FAM171B: variants seen among roughly 807,000 people sequenced by gnomAD.
FAM171B encodes family with sequence similarity 171 member B, also known as protein FAM171B.
In FAM171B, 19 loss-of-function variants were observed where a neutral mutation model predicts 75.6. The observed-to-expected ratio is 0.25, with a 90% CI of 0.18 to 0.37. The LOEUF (loss-of-function observed/expected upper bound fraction) is 0.37. FAM171B is among the 10% of genes least tolerant of loss of function. FAM171B has a pLI of 1.00. For synonymous variants in FAM171B, 367 were observed against 361.7 expected, an observed-to-expected ratio of 1.01 and a Z score of -0.17; for missense variants, 848 against 982.4, an observed-to-expected ratio of 0.86 and a Z score of 1.83.
rs1269106296 is a variant in FAM171B at position 186,765,888 on chromosome 2, CTG to C, written c.*3067_*3068del. 1.3e-5 allele frequency: 2 copies of C among 152,078 alleles called. No individual in the cohort carries two copies. Among genetic ancestry groups the C allele is most frequent in the African/African-American group, 2.4e-5 (1 of 41,442 alleles). The allele number at this position is 152,078 out of a possible 1,614,324, so 9.4% of individuals were successfully genotyped here. On this transcript the variant is annotated 3_prime_UTR_variant, in exon 8 of 8. Transcript: ENST00000304698. The stretch of plus-strand genomic sequence containing the variant: ...TTACTACTATATTTACTGCTGAAAA[CTG>C]TAACAACCTGAAGATTTGTAAAATG...
rs1466042020 is a variant in FAM171B at position 186,747,111 on chromosome 2, T to C, written c.585T>C (p.Ser195=). 1 of 1,595,676 alleles carries C rather than the reference T, an allele frequency of 6.3e-7. No individual in the cohort carries two copies. ...GKLADAKSQP[S]VQFSKALIKL... ...TTCCAGATGCCAAGTCTCAACCAAG[T>C]GTTCAGTTTTCAAAAGCCTTAATTA... is the stretch of plus-strand genomic sequence containing the variant. Residue 195 remains serine, a synonymous_variant, in exon 4 of 8, where the codon AGT becomes AGC. Coordinates refer to ENST00000304698, the MANE Select transcript of FAM171B (RefSeq NM_177454.4).
intron 1 of FAM171B, among the ~76,000 whole-genome samples, chr2:186,696,467 A>AAC (rs984808135): frequency 2.8e-5 from 4 of 145,408 alleles, no homozygotes; most frequent in East Asian, 2.0e-4. Context: ...TAAAAAAAAA[A>AAC]AAAACATTAA....
intron 6 of FAM171B, among the ~76,000 whole-genome samples, chr2:186,759,013 A>G (rs368293105): frequency 2.0e-5 from 3 of 152,062 alleles, no homozygotes; most frequent in African/African-American, 7.2e-5. Context: ...AGCTGTTTCA[A>G]TGTTTAGCTC....
At chr2:186,744,908 G>A (rs983114645) in intron 3 of FAM171B, among the ~76,000 whole-genome samples, 3 of 148,082 alleles carry the variant, frequency 2.0e-5, no homozygotes, top group African/African-American at 7.6e-5. Context: ...TCGGCTCACT[G>A]CAACTTCTAC....
intron 6 of FAM171B, among the ~76,000 whole-genome samples, chr2:186,756,210 A>G (rs1266496122): frequency 2.0e-5 from 3 of 152,376 alleles, no homozygotes; most frequent in African/African-American, 7.2e-5. Flanking sequence ...GTACTAAAAT[A>G]AAAGTATGGG....
intron 1 of FAM171B, among the ~76,000 whole-genome samples, chr2:186,705,790 A>T (rs12618322): frequency 0.48 from 72,497 of 151,960 alleles, 18,323 homozygotes; most frequent in South Asian, 0.61. Flanking sequence ...AAAAGATGTG[A>T]TTGCTTAGAA....
intron 4 of FAM171B, among the ~76,000 whole-genome samples, 187 bp from the exon 5 acceptor site, chr2:186,750,947 T>C (rs1453041953): frequency 3.3e-5 from 5 of 152,188 alleles, no homozygotes; most frequent in Non-Finnish European, 7.4e-5. Context: ...TTACATTGCA[T>C]AGCCTATATT....
intron 6 of FAM171B, among the ~76,000 whole-genome samples, chr2:186,756,936 A>G (rs1299259870): frequency 6.6e-6 from 1 of 152,154 alleles, no homozygotes; most frequent in Non-Finnish European, 1.5e-5. Flanking sequence ...GCAGATGAAG[A>G]GGTACATAGG....
chr2:186,708,557 A>T (rs1454093433), intron 1 of FAM171B, among the ~76,000 whole-genome samples: 1 of 152,188 alleles, frequency 6.6e-6, no homozygotes, highest in African/African-American at 2.4e-5. Flanking sequence ...GGTATGGGGG[A>T]AAGTAATTTG....
chr2:186,749,577 T>C (rs1055438109), intron 4 of FAM171B, among the ~76,000 whole-genome samples: 2 of 152,216 alleles, frequency 1.3e-5, no homozygotes, highest in African/African-American at 4.8e-5. Flanking sequence ...TTATATTTAA[T>C]TGAAAATTTT....
chr2:186,714,470 AG>A (rs1689849839), intron 1 of FAM171B, among the ~76,000 whole-genome samples: 1 of 152,238 alleles, frequency 6.6e-6, no homozygotes, highest in Non-Finnish European at 1.5e-5. Context: ...TCTGTCTACA[AG>A]CAGGAAGCAG....
intron 1 of FAM171B, among the ~76,000 whole-genome samples, chr2:186,732,046 T>G (rs1690123994): frequency 6.6e-6 from 1 of 152,132 alleles, no homozygotes; most frequent in African/African-American, 2.4e-5. Context: ...ACACAATAAA[T>G]GTAATGCATT....
intron 6 of FAM171B, among the ~76,000 whole-genome samples, chr2:186,760,286 C>T (rs1690595502): frequency 6.6e-6 from 1 of 152,092 alleles, no homozygotes; most frequent in Non-Finnish European, 1.5e-5. Context: ...GCTCTGTTCA[C>T]TCTAGAGCCC....
rs1690670124 is a variant in FAM171B at position 186,764,409 on chromosome 2, A to G, written c.*1586A>G. The G allele has an allele frequency of 6.7e-6, 1 of 149,234 alleles. No individual in the cohort carries two copies. The allele number at this position is 149,234 out of a possible 1,614,324, so 9.2% of individuals were successfully genotyped here. A position where few individuals can be genotyped will look rare whatever the true frequency, so the allele number is the denominator to read the frequency against. On this transcript the variant is annotated 3_prime_UTR_variant, in exon 8 of 8. Transcript: ENST00000304698. ...TAAAGACCCTAGGCAAATATTTGCT[A>G]TATATTACCCCAATCCATAGAAGAA...
intron 1 of FAM171B, among the ~76,000 whole-genome samples, chr2:186,705,417 T>C (rs750289682): frequency 2.6e-5 from 4 of 152,082 alleles, no homozygotes; most frequent in Non-Finnish European, 5.9e-5. Flanking sequence ...TCCTGCCTCC[T>C]ACCTCATGGC....
intron 6 of FAM171B, among the ~76,000 whole-genome samples, chr2:186,758,769 A>G (rs1690571570): frequency 6.6e-6 from 1 of 152,160 alleles, no homozygotes; most frequent in Non-Finnish European, 1.5e-5. Flanking sequence ...CATAATAATC[A>G]TGCATAATAA....
At chr2:186,739,202 T>C (rs761772575) in intron 1 of FAM171B, among the ~76,000 whole-genome samples, 3 of 152,170 alleles carry the variant, frequency 2.0e-5, no homozygotes, top group Non-Finnish European at 2.9e-5. Context: ...GGACTGGAAG[T>C]TGCTATGGGT....
At chr2:186,719,899 G>A (rs953897802) in intron 1 of FAM171B, among the ~76,000 whole-genome samples, 3 of 152,148 alleles carry the variant, frequency 2.0e-5, no homozygotes, top group African/African-American at 7.2e-5. Context: ...GAAAAATTAG[G>A]TCTAAACATA....
chr2:186,718,257 G>T (rs1054196854), intron 1 of FAM171B, among the ~76,000 whole-genome samples: 9 of 152,162 alleles, frequency 5.9e-5, no homozygotes, highest in African/African-American at 2.2e-4. Context: ...AAAAGGTCTT[G>T]TCACACACGG....
Sources: gnomAD v4.1 joint callset for allele counts (sites outside exome capture counted in the v4.1 genomes callset) on GRCh38, gnomAD v4.1.1 for gene constraint, MANE v1.5 for transcripts, NCBI Gene and HGNC (gene_info 2026-07-23, HGNC 2026-07-21) for gene names.